Variants in MPRIP observed in about 807,000 individuals in gnomAD.
The protein encoded by MPRIP is myosin phosphatase Rho interacting protein, also known as myosin phosphatase Rho-interacting protein.
MPRIP carries 59 observed loss-of-function variants against 234.9 expected under a neutral mutation model. The observed-to-expected ratio is 0.25, with a 90% CI of 0.20 to 0.31. The LOEUF (loss-of-function observed/expected upper bound fraction) is 0.31. Ranked by LOEUF, MPRIP falls within the 10% of genes least tolerant of loss-of-function variation. The pLI, the probability that MPRIP is intolerant of heterozygous loss-of-function variation, is 1.00. For synonymous variants in MPRIP, 1,144 were observed against 1,263.9 expected, an observed-to-expected ratio of 0.91 and a Z score of 2.01; for missense variants, 2,436 against 3,071.0, an observed-to-expected ratio of 0.79 and a Z score of 4.89.
At chr17:17,054,260 G>A (rs1260343153) in intron 1 of MPRIP, among the ~76,000 whole-genome samples, 1 of 152,190 alleles carries the variant, frequency 6.6e-6, no homozygotes, top group East Asian at 1.9e-4. Context: ...AAAATTGTAA[G>A]GCATACCTCC....
At chr17:17,128,542 C>G (rs1351206605) in intron 4 of MPRIP, among the ~76,000 whole-genome samples, 1 of 152,134 alleles carries the variant, frequency 6.6e-6, no homozygotes, top group Non-Finnish European at 1.5e-5. Flanking sequence ...TAGACAAGAT[C>G]GTTAATGGAC....
At chr17:17,077,563 G>A (rs1285737220) in intron 2 of MPRIP, 2 of 156,934 alleles carry the variant, frequency 1.3e-5, no homozygotes, top group African/African-American at 4.8e-5. Context: ...CCCTTTTGTA[G>A]CAGTTTCCCA....
chr17:17,058,368 G>C (rs1031784964), intron 1 of MPRIP, among the ~76,000 whole-genome samples: 1 of 150,080 alleles, frequency 6.7e-6, no homozygotes, highest in Non-Finnish European at 1.5e-5. Flanking sequence ...AGGACTATTA[G>C]GAGTAGGGAC....
intron 23 of MPRIP, chr17:17,181,814 ACT>A (rs967695181): frequency 1.3e-5 from 2 of 152,256 alleles, no homozygotes; most frequent in African/African-American, 4.8e-5. Flanking sequence ...CCTGACAGTA[ACT>A]CTGTGCAGTG....
Position 17,166,125 on chromosome 17 carries a change from C to T in MPRIP, c.4534C>T (p.Leu1512Phe), listed in dbSNP as rs2045989538. Residue 1512 changes from leucine (L) to phenylalanine (F), a missense_variant, in exon 16 of 24, where the codon CTC (leucine) becomes TTC (phenylalanine). By Grantham distance (22) the Leu-to-Phe change is conservative (BLOSUM62 0). This residue lies in a region of MPRIP where 1,998 missense variants were observed against 2,520.3 expected (regional missense o/e 0.79). Coordinates refer to ENST00000651222, the MANE Select transcript of MPRIP (RefSeq NM_001364716.4). The surrounding 1 kb of genome is among the most constrained non-coding windows in gnomAD (Gnocchi z 4.4). ...CTCCCTGGCCAGTGTGGAGAGTGCA[C>T]TCGTCAGCGCCATCCAAGCCCTGCA... ...AASLASVESA[L>F]VSAIQALQHW... is the part of the protein sequence containing the mutation. 7.7e-7 allele frequency: 1 copy of T among 1,300,014 alleles called. No individual in the cohort carries two copies. Among genetic ancestry groups the T allele is most frequent in the South Asian group, 1.2e-5 (1 of 80,690 alleles). The allele number at this position is 1,300,014 out of a possible 1,614,324, so 80.5% of individuals were successfully genotyped here. A position where few individuals can be genotyped will look rare whatever the true frequency, so the allele number is the denominator to read the frequency against.
At position 17,132,912 on chromosome 17, in the gene MPRIP, G is replaced by A. The variant is rs115111686; in HGVS notation, c.504+1211G>A. 5.3e-3 allele frequency among the ~76,000 whole-genome samples: 811 copies of A among 152,288 alleles called. 4 individuals are homozygous for A. Among genetic ancestry groups the A allele is most frequent in the African/African-American group, 0.018 (740 of 41,562 alleles). The stretch of plus-strand genomic sequence containing the variant: ...TCCCCCAAAGCTTCCCAGTTGGAGA[G>A]AAACAAAAAAATCACAGGCAGAATA... On this transcript the variant is annotated intron_variant, in intron 5 of 23. Transcript: ENST00000651222.
At chr17:17,100,679 C>G (rs2089943009) in intron 3 of MPRIP, among the ~76,000 whole-genome samples, 1 of 151,942 alleles carries the variant, frequency 6.6e-6, no homozygotes, top group African/African-American at 2.4e-5. Flanking sequence ...GCCTGATGAT[C>G]TGTTACTGTC....
In MPRIP at chr17:17,042,813, G is replaced by T. The variant is rs2088215328; in HGVS notation, c.-36G>T. ...GGAGCGCCAGGCCGGCCAGGCCTGCGCCGCCGCCGCCGCCGCCGTCGCCGC... is the reference window on the plus strand; with the variant it reads ...GGAGCGCCAGGCCGGCCAGGCCTGCTCCGCCGCCGCCGCCGCCGTCGCCGC... On this transcript the variant is annotated 5_prime_UTR_variant, in exon 1 of 24. Transcript: ENST00000651222. 1 of 1,306,244 alleles carries T rather than the reference G, an allele frequency of 7.7e-7. No individual in the cohort carries two copies. Among genetic ancestry groups the T allele is most frequent in the Non-Finnish European group, 1.0e-6 (1 of 1,002,114 alleles). The allele number at this position is 1,306,244 out of a possible 1,614,324, so 80.9% of individuals were successfully genotyped here.
At chr17:17,159,099 C>T (rs1242501706) in intron 14 of MPRIP, 97 bp downstream of exon 14, 1 of 1,298,466 alleles carries the variant, frequency 7.7e-7, no homozygotes, top group Admixed American at 2.5e-5. Flanking sequence ...TCTAGACAGT[C>T]CTACCCGCGA....
rs141173993 is a variant in MPRIP at position 17,177,170 on chromosome 17, G to A, written c.6958-80G>A. ...ACAGCAAGCCTCCCTACCGTGTTCA[G>A]TCCCCAGGAAGACAGGCCATGTTGT... On this transcript the variant is annotated intron_variant, in intron 21 of 23. Transcript: ENST00000651222. The A allele has an allele frequency of 5.1e-4, 711 of 1,405,508 alleles. 2 individuals are homozygous for A. In the African/African-American group the frequency reaches 9.4e-3, roughly 19 times the overall value. 87.1% of individuals were successfully genotyped at this position (1,405,508 alleles called of 1,614,324 possible). A position where few individuals can be genotyped will look rare whatever the true frequency, so the allele number is the denominator to read the frequency against.
At chr17:17,115,505 T>C (rs2090266752) in intron 3 of MPRIP, among the ~76,000 whole-genome samples, 1 of 152,254 alleles carries the variant, frequency 6.6e-6, no homozygotes, top group South Asian at 2.1e-4. Context: ...TGCTTGCTGC[T>C]GAGCCTGTGG....
rs1340429726 is a variant in MPRIP at position 17,158,453 on chromosome 17, C to A, written c.1851C>A (p.Asn617Lys). The A allele has an allele frequency of 6.3e-7, 1 of 1,576,100 alleles. No homozygotes were observed. The stretch of plus-strand genomic sequence containing the variant: ...ACAGCTCGTTGCCAGAGGAAAAAAA[C>A]AAGAGCAGCTGCTCTTTTGAGACCT... ...DVTSSLPEEK[N>K]KSSCSFETCP... The change falls in exon 14 of 24, where the codon AAC becomes AAA. Residue 617 changes from asparagine to lysine, a missense_variant. Physicochemically the swap from Asn to Lys is moderately conservative, Grantham distance 94 (BLOSUM62 0). Transcript: ENST00000651222.
At chr17:17,067,790 C>CTT (rs35187618) in intron 1 of MPRIP, among the ~76,000 whole-genome samples, 4,005 of 76,554 alleles carry the variant, frequency 0.052, 256 homozygotes, top group African/African-American at 0.12. Flanking sequence ...CTTCTTCTTC[C>CTT]TTTTTTTTTT....
At chr17:17,174,174 T>C in intron 19 of MPRIP, 99 bp downstream of exon 19, 2 of 1,414,748 alleles carry the variant, frequency 1.4e-6, no homozygotes, top group Non-Finnish European at 9.6e-7. Context: ...GAGCCAGGCC[T>C]CACCCTCAAA....
At chr17:17,045,540 C>T (rs1398671532) in intron 1 of MPRIP, among the ~76,000 whole-genome samples, 8 of 152,206 alleles carry the variant, frequency 5.3e-5, no homozygotes, top group Admixed American at 5.2e-4. Context: ...TCCCCTACTC[C>T]TGTTCAGGGT....
intron 3 of MPRIP, among the ~76,000 whole-genome samples, chr17:17,121,898 T>G (rs925466471): frequency 1.3e-5 from 2 of 152,176 alleles, no homozygotes; most frequent in Non-Finnish European, 2.9e-5. Context: ...CACTTACAAG[T>G]GAGAGCATGT....
At chr17:17,113,749 G>A (rs1023058649) in intron 3 of MPRIP, among the ~76,000 whole-genome samples, 2 of 152,140 alleles carry the variant, frequency 1.3e-5, no homozygotes, top group Non-Finnish European at 2.9e-5. Flanking sequence ...CAGAGTGGCT[G>A]CACCACGGTT....
At chr17:17,083,353 G>A (rs1567702866) in intron 3 of MPRIP, among the ~76,000 whole-genome samples, 1 of 152,192 alleles carries the variant, frequency 6.6e-6, no homozygotes. Flanking sequence ...GATCTTCAGA[G>A]CACTCCAGGT....
At chr17:17,122,748 T>G (rs1300522707) in intron 3 of MPRIP, among the ~76,000 whole-genome samples, 1 of 152,204 alleles carries the variant, frequency 6.6e-6, no homozygotes, top group African/African-American at 2.4e-5. Context: ...ATTTAAAAAG[T>G]TAGTCCCAAA....
Sources: allele counts gnomAD v4.1 joint callset (sites outside exome capture counted in the v4.1 genomes callset), GRCh38; gene constraint gnomAD v4.1.1; regional missense constraint gnomAD v4.1.1; non-coding constraint Gnocchi (gnomAD v3.1); transcripts MANE v1.5; gene names NCBI Gene and HGNC (gene_info 2026-07-23, HGNC 2026-07-21).